REEP1: variants seen among roughly 807,000 people sequenced by gnomAD.
The protein encoded by REEP1 is receptor expression-enhancing protein 1.
Under a neutral mutation model 40.3 loss-of-function variants are expected in REEP1, and 22 were observed. The ratio of observed to expected loss-of-function variants is 0.55; its 90% CI spans 0.39 to 0.78. REEP1 has a LOEUF of 0.78. REEP1 is among the 30% of genes least tolerant of loss of function. The pLI is 0.00. For missense variants in REEP1, 280 were observed against 361.1 expected (o/e 0.78, Z 1.82); for synonymous variants, 116 against 139.2 (o/e 0.83, Z 1.17).
intron 1 of REEP1, among the ~76,000 whole-genome samples, chr2:86,333,135 C>G (rs1680853234): frequency 6.6e-6 from 1 of 152,218 alleles, no homozygotes. Context: ...CAACTGGAAC[C>G]CTCCATTAAC....
chr2:86,337,759 AC>A, upstream of REEP1: 1 of 807,974 alleles, frequency 1.2e-6, no homozygotes, highest in Non-Finnish European at 1.5e-6. This position sits in a 1 kb window ranked among gnomAD's most constrained non-coding sequence, Gnocchi z 5.8. Flanking sequence ...TGGTCAGGGC[AC>A]CCGCGGGCCC....
Position 86,233,496 on chromosome 2 carries a change from C to T in REEP1, c.418-694G>A, listed in dbSNP as rs56042505. Among the ~76,000 whole-genome samples, 1,233 of 152,136 alleles carry T rather than the reference C, an allele frequency of 8.1e-3. 12 individuals carry two copies. Among genetic ancestry groups the T allele is most frequent in the Non-Finnish European group, 0.014 (925 of 68,004 alleles). On this transcript the variant is annotated intron_variant, in intron 5 of 8. Transcript: ENST00000538924. ...TCTGAGGGAGACAGAGAATTAATCTCGGGGGGAATTGTTCTTTTATTTAGA... is the reference window on the plus strand; with the variant it reads ...TCTGAGGGAGACAGAGAATTAATCTTGGGGGGAATTGTTCTTTTATTTAGA...
intron 1 of REEP1, among the ~76,000 whole-genome samples, chr2:86,295,489 T>C (rs1455878054): frequency 2.0e-5 from 3 of 152,246 alleles, no homozygotes; most frequent in African/African-American, 7.2e-5. Flanking sequence ...TACTGCACAA[T>C]AGTTAAAAAG....
intron 1 of REEP1, among the ~76,000 whole-genome samples, chr2:86,333,077 A>G (rs568596440): frequency 6.6e-6 from 1 of 152,288 alleles, no homozygotes; most frequent in South Asian, 2.1e-4. Context: ...ACATTTACCC[A>G]GCTCCCACAG....
At chr2:86,311,180 T>C (rs576874782) in intron 1 of REEP1, among the ~76,000 whole-genome samples, 2 of 150,800 alleles carry the variant, frequency 1.3e-5, no homozygotes, top group Non-Finnish European at 2.9e-5. Context: ...AACTTCTAGA[T>C]GGAATTATTA....
intron 5 of REEP1, among the ~76,000 whole-genome samples, chr2:86,236,341 C>T (rs189667903): frequency 7.6e-4 from 116 of 152,302 alleles, no homozygotes; most frequent in African/African-American, 2.4e-3. Context: ...TGTTCAGCTC[C>T]GCTCTGCAGA....
At chr2:86,256,667 C>A (rs749493200) in intron 3 of REEP1, among the ~76,000 whole-genome samples, 1 of 152,162 alleles carries the variant, frequency 6.6e-6, no homozygotes, top group Non-Finnish European at 1.5e-5. Flanking sequence ...CTGAGTGGCC[C>A]CCAACATGGC....
Position 86,217,060 on chromosome 2 carries a change from G to A in REEP1, c.834C>T (p.Ser278=). The change falls in exon 9 of 9, where the codon TCC becomes TCT. Residue 278 remains serine (S), a synonymous_variant. Coordinates refer to ENST00000538924, the MANE Select transcript of REEP1 (RefSeq NM_001371279.1). The stretch of plus-strand genomic sequence containing the variant: ...TCACTCACGTGGTTTCGGTGGCCGA[G>A]GATGAGGTACTTTTCTTCCTGAAGC... ...RSRFRKKSTS[S]SATETT is the part of the protein sequence containing the mutation. 2 of 1,614,106 alleles carry A rather than the reference G, an allele frequency of 1.2e-6. No individual in the cohort carries two copies. Among genetic ancestry groups the A allele is most frequent in the Admixed American group, 1.7e-5 (1 of 60,014 alleles).
chr2:86,278,797 C>A (rs1394008529), intron 2 of REEP1, among the ~76,000 whole-genome samples: 1 of 152,130 alleles, frequency 6.6e-6, no homozygotes, highest in Non-Finnish European at 1.5e-5. Flanking sequence ...TGAGCTGGGC[C>A]GTCAGCACCA....
chr2:86,328,529 A>T (rs1314644083), intron 1 of REEP1, among the ~76,000 whole-genome samples: 1 of 152,220 alleles, frequency 6.6e-6, no homozygotes, highest in African/African-American at 2.4e-5. Context: ...AATACAAAAA[A>T]TTAGCTGGGC....
At chr2:86,330,623 T>TTG (rs2104541265) in intron 1 of REEP1, among the ~76,000 whole-genome samples, 1 of 151,238 alleles carries the variant, frequency 6.6e-6, no homozygotes, top group East Asian at 2.0e-4. Context: ...TTTGTATTTT[T>TTG]TTTGTAGAGA....
At chr2:86,324,620 G>A (rs897638562) in intron 1 of REEP1, among the ~76,000 whole-genome samples, 1 of 152,080 alleles carries the variant, frequency 6.6e-6, no homozygotes, top group Admixed American at 6.5e-5. Context: ...TTTTCATCAC[G>A]CCACGTAATT....
intron 2 of REEP1, among the ~76,000 whole-genome samples, chr2:86,269,987 A>G (rs1677348662): frequency 6.6e-6 from 1 of 152,196 alleles, no homozygotes; most frequent in Admixed American, 6.5e-5. Context: ...CTCAACAATA[A>G]GAAAACAAAC....
In REEP1 at chr2:86,289,990, C is replaced by CCCTT. The variant is rs376165071; in HGVS notation, c.33-7749_33-7748insAAGG. Among the ~76,000 whole-genome samples, 369 of 152,082 alleles carry CCCTT rather than the reference C, an allele frequency of 2.4e-3. 4 individuals are homozygous for CCCTT. Among genetic ancestry groups the CCCTT allele is most frequent in the African/African-American group, 8.3e-3 (345 of 41,482 alleles). On this transcript the variant is annotated intron_variant, in intron 1 of 8. Transcript: ENST00000538924. ...ATGTGTTAATGACTCCATTTATATG[C>CCCTT]TCTTTCTTTCTTTTTTTGTTTTTTG...
intron 1 of REEP1, among the ~76,000 whole-genome samples, chr2:86,326,530 T>TGG (rs1438770753): frequency 6.6e-6 from 1 of 151,958 alleles, no homozygotes; most frequent in Non-Finnish European, 1.5e-5. Context: ...CTGACCAAAA[T>TGG]GGTGAAACCC....
At chr2:86,228,704 C>G (rs976003277) in intron 6 of REEP1, among the ~76,000 whole-genome samples, 2 of 152,138 alleles carry the variant, frequency 1.3e-5, no homozygotes, top group Admixed American at 1.3e-4. Context: ...GTGATCCACC[C>G]GCCTTGGCCT....
At chr2:86,243,402 G>A (rs1675773463) in intron 5 of REEP1, among the ~76,000 whole-genome samples, 1 of 152,180 alleles carries the variant, frequency 6.6e-6, no homozygotes, top group Non-Finnish European at 1.5e-5. Flanking sequence ...GACCCTTGAG[G>A]CATCAGGCTG....
chr2:86,313,018 G>A (rs1026741785), intron 1 of REEP1, among the ~76,000 whole-genome samples: 1 of 151,906 alleles, frequency 6.6e-6, no homozygotes, highest in Non-Finnish European at 1.5e-5. Context: ...TTCTTTTTTA[G>A]TGTGAACAGC....
In REEP1 at chr2:86,232,704, T is replaced by A. The variant is rs1675094940; in HGVS notation, c.516A>T (p.Pro172=). The stretch of plus-strand genomic sequence containing the variant: ...TGCCGCTGGCCCGCCCAGACCCCGG[T>A]GGTGGGGGGCCCGAGGGAGCAGGGG... ...DGAPAPSGPP[P]PGSGRASGKH... The change falls in exon 6 of 9, where the codon CCA becomes CCT. Residue 172 remains proline (P), a synonymous_variant. Transcript: ENST00000538924. The A allele has an allele frequency of 1.9e-6, 3 of 1,611,228 alleles. No individual in the cohort carries two copies. The highest frequency in any genetic ancestry group is 1.3e-5 in the African/African-American group (1 of 75,036).
Sources: gnomAD v4.1 joint callset for allele counts (sites outside exome capture counted in the v4.1 genomes callset) on GRCh38, gnomAD v4.1.1 for gene constraint, Gnocchi (gnomAD v3.1) non-coding constraint, MANE v1.5 for transcripts, NCBI Gene and HGNC (gene_info 2026-07-23, HGNC 2026-07-21) for gene names.